MAP4K4: variants seen among roughly 807,000 people sequenced by gnomAD.
MAP4K4 encodes mitogen-activated protein kinase kinase kinase kinase 4.
A neutral mutation model predicts 189.6 loss-of-function variants in MAP4K4; 38 were observed. The observed-to-expected ratio is 0.20, with a 90% CI of 0.15 to 0.26. The LOEUF is 0.26. Ranked by LOEUF, MAP4K4 falls within the 10% of genes least tolerant of loss-of-function variation. MAP4K4 has a pLI of 1.00. For synonymous variants in MAP4K4, 610 were observed against 624.3 expected (o/e 0.98, Z 0.34); for missense variants, 1,054 against 1,726.9 (o/e 0.61, Z 6.91).
At chr2:101,727,925 C>T (rs2056440869) in intron 2 of MAP4K4, among the ~76,000 whole-genome samples, 1 of 152,160 alleles carries the variant, frequency 6.6e-6, no homozygotes, top group South Asian at 2.1e-4. Context: ...GCCGAGATCA[C>T]GCCACCGCAC....
rs373065413 is a variant in MAP4K4 at position 101,792,775 on chromosome 2, A to G, written c.180+1999A>G. On this transcript the variant is annotated intron_variant, in intron 3 of 32. Coordinates refer to ENST00000324219, the Ensembl canonical transcript of MAP4K4. ...CTCAGCGTCTGTAGTAGCTGGGATTACAGGCTCCCACTGCCACCCCTAGCT... is the reference window on the plus strand; with the variant it reads ...CTCAGCGTCTGTAGTAGCTGGGATTGCAGGCTCCCACTGCCACCCCTAGCT... Among the ~76,000 whole-genome samples the G allele has an allele frequency of 1.2e-4, 19 of 152,182 alleles. No homozygotes were observed. The East Asian group carries it at 1.4e-3, about 11-fold the overall frequency.
At chr2:101,740,764 GA>G (rs143304113) in intron 2 of MAP4K4, among the ~76,000 whole-genome samples, 4 of 150,074 alleles carry the variant, frequency 2.7e-5, no homozygotes, top group African/African-American at 9.8e-5. Flanking sequence ...TATTCGCTTT[GA>G]AAAAAAAACC....
rs549647920 is a variant in MAP4K4 at position 101,820,894 on chromosome 2, G to A, written c.181-3034G>A. Among the ~76,000 whole-genome samples, 6 of 152,324 alleles carry A rather than the reference G, an allele frequency of 3.9e-5. No homozygotes were observed. The East Asian group carries it at 1.2e-3, about 29-fold the overall frequency. On this transcript the variant is annotated intron_variant, in intron 3 of 32. Coordinates refer to ENST00000324219, the Ensembl canonical transcript of MAP4K4. ...TGATGTGTGTGTGCAGAGAGCACAA[G>A]ATAAAACTTTTGAGGCATTAGGTTT...
At chr2:101,761,248 T>G (rs2076251125) in intron 2 of MAP4K4, among the ~76,000 whole-genome samples, 1 of 152,200 alleles carries the variant, frequency 6.6e-6, no homozygotes, top group South Asian at 2.1e-4. Context: ...ATAAATGAAG[T>G]ATTTCATATT....
chr2:101,725,147 A>C (rs2149491820), intron 2 of MAP4K4, among the ~76,000 whole-genome samples: 1 of 152,342 alleles, frequency 6.6e-6, no homozygotes, highest in Non-Finnish European at 1.5e-5. Context: ...ACGTGACTGT[A>C]CTAATTTTAA....
At chr2:101,797,339 C>G (rs1434828943) in intron 3 of MAP4K4, 1 of 1,290,848 alleles carries the variant, frequency 7.7e-7, no homozygotes, top group South Asian at 1.2e-5. Flanking sequence ...CTGTGCTTTG[C>G]ATGACTCTGG....
chr2:101,715,039 C>T (rs1184234522), intron 2 of MAP4K4, among the ~76,000 whole-genome samples: 1 of 152,150 alleles, frequency 6.6e-6, no homozygotes, highest in Non-Finnish European at 1.5e-5. Flanking sequence ...TTAGGGCTGC[C>T]ATAACAAAAG....
intron 3 of MAP4K4, among the ~76,000 whole-genome samples, chr2:101,796,016 C>G (rs1468219499): frequency 6.6e-6 from 1 of 152,186 alleles, no homozygotes; most frequent in Non-Finnish European, 1.5e-5. Flanking sequence ...GCACAGAGAA[C>G]AGAGGCAAAC....
chr2:101,778,325 A>C (rs966753845), intron 2 of MAP4K4, among the ~76,000 whole-genome samples: 1 of 152,230 alleles, frequency 6.6e-6, no homozygotes, highest in Admixed American at 6.5e-5. Flanking sequence ...TCGTGTGTCC[A>C]GCACAGTGTG....
chr2:101,720,803 T>C (rs2051441188), intron 2 of MAP4K4, among the ~76,000 whole-genome samples: 1 of 152,258 alleles, frequency 6.6e-6, no homozygotes, highest in African/African-American at 2.4e-5. Flanking sequence ...TTACTAGATC[T>C]AGCTCTTGTA....
chr2:101,734,700 A>G (rs2059712387), intron 2 of MAP4K4, among the ~76,000 whole-genome samples: 1 of 152,116 alleles, frequency 6.6e-6, no homozygotes, highest in Non-Finnish European at 1.5e-5. Context: ...TGTCTCTGTG[A>G]GCCAATCCTT....
At chr2:101,851,724 C>CTTTTTTTTTTTTT (rs36217584) in intron 12 of MAP4K4, among the ~76,000 whole-genome samples, 6 of 67,898 alleles carry the variant, frequency 8.8e-5, no homozygotes, top group African/African-American at 1.5e-4. Context: ...TAACTGTCCT[C>CTTTTTTTTTTTTT]TTTTTTTTTT....
At chr2:101,797,809 C>T (rs1321586046) in intron 3 of MAP4K4, among the ~76,000 whole-genome samples, 1 of 147,994 alleles carries the variant, frequency 6.8e-6, no homozygotes, top group Non-Finnish European at 1.5e-5. Flanking sequence ...ACTGTATCCT[C>T]ATATATTACA....
chr2:101,823,566 A>G (rs757151016), intron 3 of MAP4K4, among the ~76,000 whole-genome samples: 2 of 152,176 alleles, frequency 1.3e-5, no homozygotes, highest in Non-Finnish European at 2.9e-5. Flanking sequence ...TTCAAATAGT[A>G]TCAGTCATTT....
chr2:101,785,707 T>TTTTC (rs1558914120), intron 2 of MAP4K4, among the ~76,000 whole-genome samples: 3 of 6,696 alleles, frequency 4.5e-4, no homozygotes, highest in East Asian at 6.8e-3. Context: ...TCTCTCTCTC[T>TTTTC]CTCTCTCTCT....
intron 2 of MAP4K4, among the ~76,000 whole-genome samples, chr2:101,720,381 G>C (rs1431314315): frequency 6.6e-6 from 1 of 151,974 alleles, no homozygotes; most frequent in African/African-American, 2.4e-5. Context: ...TCACCATGTT[G>C]GCCAGGCTGG....
In MAP4K4 at chr2:101,769,566, T is replaced by C. The variant is rs2080294329; in HGVS notation, c.124-21154T>C. On this transcript the variant is annotated intron_variant, in intron 2 of 32. Transcript: ENST00000324219. ...CCATAATGAGATTGTGTTCTTATGA[T>C]GCTCATCCAGAAATGTCTTTTTCTT... is the stretch of plus-strand genomic sequence containing the variant. Among the ~76,000 whole-genome samples the C allele has an allele frequency of 2.0e-5, 3 of 152,186 alleles. No homozygotes were observed. In the South Asian group the frequency reaches 6.2e-4, roughly 32 times the overall value.
exon 8 of MAP4K4, chr2:101,834,457 G>T: frequency 6.2e-7 from 1 of 1,608,278 alleles, no homozygotes; most frequent in Non-Finnish European, 8.5e-7. Flanking sequence ...GGCAGAAGGT[G>T]CTCCCCGTAA....
At chr2:101,769,005 T>C (rs942489840) in intron 2 of MAP4K4, among the ~76,000 whole-genome samples, 2 of 152,206 alleles carry the variant, frequency 1.3e-5, no homozygotes, top group African/African-American at 4.8e-5. Flanking sequence ...TGTGAGGGTC[T>C]GGAATTGTAT....
Sources: allele counts gnomAD v4.1 joint callset (sites outside exome capture counted in the v4.1 genomes callset), GRCh38; gene constraint gnomAD v4.1.1; transcripts MANE v1.5; gene names NCBI Gene and HGNC (gene_info 2026-07-23, HGNC 2026-07-21).